DENND1A: variants seen among roughly 807,000 people sequenced by gnomAD.
DENND1A encodes the protein DENN domain-containing protein 1A.
Under a neutral mutation model 113.7 loss-of-function variants are expected in DENND1A, and 51 were observed. The ratio of observed to expected loss-of-function variants is 0.45; its 90% CI spans 0.36 to 0.57. The LOEUF is 0.57. DENND1A is among the 20% of genes least tolerant of loss of function. The pLI is 0.00. For missense variants in DENND1A, 1,258 were observed against 1,395.9 expected (o/e 0.90, Z 1.57); for synonymous variants, 565 against 570.8 (o/e 0.99, Z 0.14).
rs773025069 is a variant in DENND1A, at chr9:123,383,806, G to C, written c.1868C>G (p.Pro623Arg). The C allele has an allele frequency of 3.1e-6, 5 of 1,614,000 alleles. No individual in the cohort carries two copies. Among genetic ancestry groups the C allele is most frequent in the Non-Finnish European group, 4.2e-6 (5 of 1,180,038 alleles). ...RKSTGPVPAP[P>R]DRAASIDLLE... ...AAGGTCGATGCTGGCAGCCCGGTCA[G>C]GGGGAGCTGGGACAGGGCCTGTGGA... The change falls in exon 23 of 24, where the codon CCT becomes CGT. Residue 623 changes from proline (P) to arginine (R), a missense_variant. Physicochemically the swap from Pro to Arg is moderately radical, Grantham distance 103. Transcript: ENST00000394215.
intron 5 of DENND1A, among the ~76,000 whole-genome samples, chr9:123,741,792 C>T (rs2069050548): frequency 6.6e-6 from 1 of 152,174 alleles, no homozygotes; most frequent in Non-Finnish European, 1.5e-5. Context: ...TTCAAGTTCT[C>T]ATTTTATATT....
At chr9:123,643,622 G>C (rs2062144385) in intron 9 of DENND1A, among the ~76,000 whole-genome samples, 1 of 152,238 alleles carries the variant, frequency 6.6e-6, no homozygotes, top group African/African-American at 2.4e-5. Flanking sequence ...ACCACAGTGA[G>C]TTACAGAAGA....
At chr9:123,792,502 C>G in intron 3 of DENND1A, 85 bp downstream of exon 3, 1 of 1,398,426 alleles carries the variant, frequency 7.2e-7, no homozygotes, top group Non-Finnish European at 9.8e-7. Flanking sequence ...TCATTTATCT[C>G]TTTCAGTAAA....
intron 1 of DENND1A, among the ~76,000 whole-genome samples, chr9:123,885,853 C>T (rs1848993117): frequency 6.6e-6 from 1 of 152,132 alleles, no homozygotes; most frequent in Non-Finnish European, 1.5e-5. Flanking sequence ...GATCTCAGCT[C>T]ACTGCAACCT....
intron 2 of DENND1A, among the ~76,000 whole-genome samples, chr9:123,833,972 C>T (rs1840683577): frequency 1.3e-5 from 2 of 152,156 alleles, no homozygotes; most frequent in African/African-American, 4.8e-5. Context: ...AGGAGAATTG[C>T]TTGAACCTGG....
chr9:123,864,462 A>G (rs1845536006), intron 2 of DENND1A, among the ~76,000 whole-genome samples: 1 of 152,218 alleles, frequency 6.6e-6, no homozygotes, highest in Admixed American at 6.5e-5. Context: ...TAAAAAGTAC[A>G]GGCTGACGCC....
At chr9:123,893,111 A>T (rs928652346) in intron 1 of DENND1A, among the ~76,000 whole-genome samples, 15 of 150,342 alleles carry the variant, frequency 1.0e-4, no homozygotes, top group South Asian at 2.1e-4. Context: ...TATGTTTTTA[A>T]AAAAAAAAAA....
intron 5 of DENND1A, among the ~76,000 whole-genome samples, chr9:123,712,997 C>T (rs2066733105): frequency 6.6e-6 from 1 of 152,122 alleles, no homozygotes; most frequent in South Asian, 2.1e-4. Flanking sequence ...ATGCATAAAA[C>T]ACTCTAAATG....
At chr9:123,891,843 G>A (rs1421358316) in intron 1 of DENND1A, among the ~76,000 whole-genome samples, 2 of 152,140 alleles carry the variant, frequency 1.3e-5, no homozygotes, top group Non-Finnish European at 2.9e-5. Flanking sequence ...TCAAGAGACT[G>A]GAGAACAGAC....
At chr9:123,644,883 T>C (rs1195838512) in intron 9 of DENND1A, among the ~76,000 whole-genome samples, 1 of 152,208 alleles carries the variant, frequency 6.6e-6, no homozygotes, top group African/African-American at 2.4e-5. Flanking sequence ...TGGAATTGTA[T>C]TATCTCTATT....
At chr9:123,590,059 C>T (rs2059386017) in intron 11 of DENND1A, among the ~76,000 whole-genome samples, 1 of 152,154 alleles carries the variant, frequency 6.6e-6, no homozygotes, top group Admixed American at 6.5e-5. Flanking sequence ...AGCATAATTC[C>T]CAGAATAGCC....
chr9:123,710,246 T>TA (rs2066489879), intron 5 of DENND1A, among the ~76,000 whole-genome samples: 1 of 152,230 alleles, frequency 6.6e-6, no homozygotes, highest in Non-Finnish European at 1.5e-5. Context: ...TAAGAAAAGG[T>TA]AATACTAGGG....
rs618255 is a variant in DENND1A at position 123,924,280 on chromosome 9, T to C, written c.17+5609A>G. 3.7e-3 allele frequency among the ~76,000 whole-genome samples: 559 copies of C among 152,322 alleles called. 1 individual carries two copies. Among genetic ancestry groups the C allele is most frequent in the African/African-American group, 0.013 (526 of 41,570 alleles). ...AGGGTTTGGGGGAATGAGGAGTGTCTAACAGGCATGGGGTTTCTTTCTGGG... is the reference window on the plus strand; with the variant it reads ...AGGGTTTGGGGGAATGAGGAGTGTCCAACAGGCATGGGGTTTCTTTCTGGG... On this transcript the variant is annotated intron_variant, in intron 1 of 23. Coordinates refer to ENST00000394215, the MANE Select transcript of DENND1A (RefSeq NM_001352964.2).
intron 12 of DENND1A, among the ~76,000 whole-genome samples, chr9:123,581,426 G>A (rs932699687): frequency 6.6e-6 from 1 of 152,090 alleles, no homozygotes; most frequent in Non-Finnish European, 1.5e-5. Context: ...TTGAGCCCAG[G>A]AGTATGAGAC....
intron 5 of DENND1A, among the ~76,000 whole-genome samples, chr9:123,731,692 A>G (rs1396121725): frequency 6.6e-6 from 1 of 152,238 alleles, no homozygotes; most frequent in Non-Finnish European, 1.5e-5. Context: ...CACCAAAAAC[A>G]TGATCCATAA....
chr9:123,791,275 T>C (rs1422146111), intron 3 of DENND1A, among the ~76,000 whole-genome samples: 1 of 152,124 alleles, frequency 6.6e-6, no homozygotes, highest in Non-Finnish European at 1.5e-5. Context: ...CCAGCCTTTA[T>C]ATATTGTCTA....
At chr9:123,847,816 T>C (rs1262767440) in intron 2 of DENND1A, among the ~76,000 whole-genome samples, 1 of 152,094 alleles carries the variant, frequency 6.6e-6, no homozygotes, top group African/African-American at 2.4e-5. Flanking sequence ...GCACCTGTAA[T>C]CCCAGCTACT....
chr9:123,493,944 G>C (rs1211901235), intron 13 of DENND1A, among the ~76,000 whole-genome samples: 1 of 152,152 alleles, frequency 6.6e-6, no homozygotes, highest in Non-Finnish European at 1.5e-5. Context: ...TCTGTCTCTA[G>C]GACTCTAAAA....
intron 5 of DENND1A, among the ~76,000 whole-genome samples, chr9:123,729,755 C>A (rs906629536): frequency 2.6e-5 from 4 of 152,172 alleles, no homozygotes; most frequent in African/African-American, 9.7e-5. Flanking sequence ...TTAGAAAAAA[C>A]TACTTTAAAT....
Sources: gnomAD v4.1 joint callset for allele counts (sites outside exome capture counted in the v4.1 genomes callset) on GRCh38, gnomAD v4.1.1 for gene constraint, MANE v1.5 for transcripts, NCBI Gene and HGNC (gene_info 2026-07-23, HGNC 2026-07-21) for gene names.